The following UTY variants were observed in gnomAD, a reference collection of about 807,000 sequenced individuals.
UTY encodes histone demethylase UTY.
UTY carries 12 observed loss-of-function variants against 32.5 expected under a neutral mutation model. The ratio of observed to expected loss-of-function variants is 0.37; its 90% CI spans 0.24 to 0.60. UTY has a LOEUF of 0.60. UTY is among the 20% of genes least tolerant of loss of function. UTY has a pLI of 0.69. For missense variants in UTY, 303 were observed against 299.2 expected, an observed-to-expected ratio of 1.01 and a Z score of -0.09; for synonymous variants, 131 against 103.4, an observed-to-expected ratio of 1.27 and a Z score of -1.62.
chrY:13,462,457 T>C (rs926885394), intron 3 of UTY, among the ~76,000 whole-genome samples: 4 of 32,933 alleles, frequency 1.2e-4, no homozygotes, highest in African/African-American at 2.4e-4. Context: ...ACACTATAAT[T>C]CTCTGGCAAT....
intron 4 of UTY, among the ~76,000 whole-genome samples, chrY:13,432,650 A>C: frequency 3.0e-5 from 1 of 33,701 alleles, no homozygotes; most frequent in Non-Finnish European, 7.4e-5. Flanking sequence ...AAGTCCACCC[A>C]GAGGCCCACC....
At chrY:13,332,934 T>C in intron 18 of UTY, among the ~76,000 whole-genome samples, 1 of 33,479 alleles carries the variant, frequency 3.0e-5, no homozygotes, top group African/African-American at 1.2e-4. Context: ...ATCACAAGCA[T>C]TCCTATACAC....
intron 8 of UTY, among the ~76,000 whole-genome samples, chrY:13,369,649 C>G (rs906014308): frequency 2.2e-4 from 7 of 32,522 alleles, no homozygotes; most frequent in Non-Finnish European, 2.3e-4. Flanking sequence ...TTTATTTTGC[C>G]CAGGCCAGCC....
intron 4 of UTY, among the ~76,000 whole-genome samples, chrY:13,436,890 C>T (rs763413699): frequency 3.2e-5 from 1 of 31,393 alleles, no homozygotes; most frequent in Admixed American, 2.9e-4. Context: ...AGACCCTAGT[C>T]GCCCGAACTG....
rs1048685910 is a variant in UTY at position 13,479,571 on chromosome Y, T to G, written c.95A>C (p.Glu32Ala). ...GACTGTCAGGCTAACAGACTCCTCTTCACTCTCGCGGCTCGCTTTTCCTTC... is the reference window on the plus strand; with the variant it reads ...GACTGTCAGGCTAACAGACTCCTCTGCACTCTCGCGGCTCGCTTTTCCTTC... ...MAEGKASRES[E>A]EESVSLTVEE... Residue 32 changes from glutamate (E) to alanine (A), a missense_variant, in exon 1 of 30, where the codon GAA becomes GCA. Glu to Ala is a moderately radical substitution (Grantham distance 107). Coordinates refer to ENST00000545955, the MANE Select transcript of UTY (RefSeq NM_001258249.2). The G allele has an allele frequency of 2.0e-5, 8 of 398,729 alleles. No individual in the cohort carries two copies. The Middle Eastern group carries it at 1.8e-3, about 88-fold the overall frequency.
chrY:13,440,422 G>T, intron 4 of UTY, among the ~76,000 whole-genome samples: 1 of 33,258 alleles, frequency 3.0e-5, no homozygotes, highest in African/African-American at 1.2e-4. Context: ...CTTTCAGGAA[G>T]AAACATACCC....
At chrY:13,419,377 TCTC>T (rs2072234681) in intron 4 of UTY, among the ~76,000 whole-genome samples, 1 of 33,246 alleles carries the variant, frequency 3.0e-5, no homozygotes, top group African/African-American at 1.2e-4. Context: ...CTGTCAAAAC[TCTC>T]CTAGAGATGT....
chrY:13,314,391 G>T, intron 21 of UTY, among the ~76,000 whole-genome samples: 1 of 33,486 alleles, frequency 3.0e-5, no homozygotes, highest in Non-Finnish European at 7.4e-5. Context: ...TCCAGCCGGG[G>T]TGACAGAGCA....
At chrY:13,383,376 T>C in intron 8 of UTY, among the ~76,000 whole-genome samples, 2 of 30,718 alleles carry the variant, frequency 6.5e-5, no homozygotes, top group Admixed American at 6.0e-4. Context: ...GGCGGGTGGA[T>C]TACGAGGTCA....
chrY:13,272,986 A>C (rs996686154), intron 27 of UTY, among the ~76,000 whole-genome samples: 15 of 33,823 alleles, frequency 4.4e-4, no homozygotes, highest in African/African-American at 1.7e-3. Context: ...TATGTATTGA[A>C]TTCTACAATA....
At chrY:13,311,935 A>G (rs2059127509) in intron 21 of UTY, among the ~76,000 whole-genome samples, 1 of 33,778 alleles carries the variant, frequency 3.0e-5, no homozygotes, top group African/African-American at 1.2e-4. Flanking sequence ...TCAACAGAGT[A>G]AACAGACAAG....
intron 17 of UTY, among the ~76,000 whole-genome samples, chrY:13,353,974 C>T (rs2062617868): frequency 2.9e-5 from 1 of 34,131 alleles, no homozygotes; most frequent in African/African-American, 1.1e-4. Context: ...TACAAACAAA[C>T]GATTTGGAAT....
chrY:13,425,588 G>A, intron 4 of UTY, among the ~76,000 whole-genome samples: 3 of 34,421 alleles, frequency 8.7e-5, no homozygotes, highest in South Asian at 6.3e-4. Flanking sequence ...ACAGGGCCTC[G>A]ATATCCAAAG....
chrY:13,318,184 G>GTAA (rs2059607583), intron 21 of UTY, among the ~76,000 whole-genome samples: 1 of 19,510 alleles, frequency 5.1e-5, no homozygotes, highest in African/African-American at 4.3e-4. Flanking sequence ...AATAATAATA[G>GTAA]TAATAATAGT....
At chrY:13,242,556 T>C (rs898195910) in intron 28 of UTY, among the ~76,000 whole-genome samples, 2 of 33,904 alleles carry the variant, frequency 5.9e-5, no homozygotes. Flanking sequence ...AAGCAATCTA[T>C]AGATTCAATC....
At chrY:13,387,215 G>A in intron 8 of UTY, among the ~76,000 whole-genome samples, 1 of 31,726 alleles carries the variant, frequency 3.2e-5, no homozygotes, top group Non-Finnish European at 7.6e-5. Context: ...TATGCTCACA[G>A]GCTACATATA....
chrY:13,393,556 A>G (rs998525870), intron 8 of UTY: 2 of 42,210 alleles, frequency 4.7e-5, no homozygotes, highest in Admixed American at 2.6e-4. Flanking sequence ...CACTGCATAC[A>G]TAGCAAGTAT....
chrY:13,309,406 C>T (rs866253168), intron 21 of UTY, among the ~76,000 whole-genome samples: 4 of 33,038 alleles, frequency 1.2e-4, no homozygotes, highest in South Asian at 1.4e-3. Context: ...CTGGCTAACA[C>T]GGTGAAACCC....
chrY:13,344,086 AGAAG>A (rs2061722861), intron 17 of UTY, among the ~76,000 whole-genome samples: 2 of 33,264 alleles, frequency 6.0e-5, no homozygotes, highest in Admixed American at 5.4e-4. Context: ...GAGGTAACTA[AGAAG>A]GAAGGGCAAA....
Sources: allele counts gnomAD v4.1 joint callset (sites outside exome capture counted in the v4.1 genomes callset), GRCh38; gene constraint gnomAD v4.1.1; transcripts MANE v1.5; gene names NCBI Gene and HGNC (gene_info 2026-07-23, HGNC 2026-07-21).